Variants in SPSB4 observed in about 807,000 individuals in gnomAD.
The protein encoded by SPSB4 is splA/ryanodine receptor domain and SOCS box containing 4, also known as SPRY domain-containing SOCS box protein 4.
SPSB4 carries 21 observed loss-of-function variants against 20.9 expected under a neutral mutation model. The ratio of observed to expected loss-of-function variants is 1.01; its 90% confidence interval spans 0.71 to 1.45. The LOEUF (loss-of-function observed/expected upper bound fraction) is 1.45. SPSB4 is among the 40% of genes most tolerant of loss of function. SPSB4 has a pLI of 0.00. For synonymous variants in SPSB4, 207 were observed against 183.8 expected (o/e 1.13, Z -1.02); for missense variants, 399 against 399.2 (o/e 1.00, Z 0.00).
intron 2 of SPSB4, among the ~76,000 whole-genome samples, chr3:141,071,587 G>C (rs549694433): frequency 6.6e-6 from 1 of 152,118 alleles, no homozygotes; most frequent in Non-Finnish European, 1.5e-5. Context: ...TTTGCCCAAG[G>C]CCACACAGCT....
At chr3:141,114,568 A>G (rs545086961) in intron 2 of SPSB4, among the ~76,000 whole-genome samples, 1 of 152,344 alleles carries the variant, frequency 6.6e-6, no homozygotes, top group African/African-American at 2.4e-5. Context: ...AACCAGATGC[A>G]TCTAAACCAC....
At position 141,147,329 on chromosome 3, in the gene SPSB4, A is replaced by T; in HGVS notation, c.*60A>T. The T allele has an allele frequency of 6.2e-7, 1 of 1,605,040 alleles. No homozygotes were observed. The highest frequency in any genetic ancestry group is 8.5e-7 in the Non-Finnish European group (1 of 1,174,020). On this transcript the variant is annotated 3_prime_UTR_variant, in exon 3 of 3. Coordinates refer to ENST00000310546, the MANE Select transcript of SPSB4 (RefSeq NM_080862.3). ...CACCGCAGGGCCCGACCCTCCTGTCATTCACAGTCCCATGGCACATAGGGG... is the reference window on the plus strand; with the variant it reads ...CACCGCAGGGCCCGACCCTCCTGTCTTTCACAGTCCCATGGCACATAGGGG...
intron 2 of SPSB4, among the ~76,000 whole-genome samples, chr3:141,101,548 C>T (rs530758834): frequency 3.9e-5 from 6 of 152,164 alleles, no homozygotes; most frequent in Non-Finnish European, 5.9e-5. Context: ...CCTCTGTCTT[C>T]CCATCTGTAA....
chr3:141,064,993 G>C (rs1258253813), intron 1 of SPSB4, among the ~76,000 whole-genome samples: 3 of 152,176 alleles, frequency 2.0e-5, no homozygotes, highest in African/African-American at 7.2e-5. Flanking sequence ...CCAGAGAACA[G>C]AGCCAGAGAG....
chr3:141,075,195 C>T (rs1028241611), intron 2 of SPSB4, among the ~76,000 whole-genome samples: 3 of 151,568 alleles, frequency 2.0e-5, no homozygotes, highest in African/African-American at 7.3e-5. Context: ...TGATTAGGGC[C>T]AGGGGTGATG....
intron 2 of SPSB4, among the ~76,000 whole-genome samples, chr3:141,116,474 G>A (rs1938881568): frequency 6.6e-6 from 1 of 152,246 alleles, no homozygotes. Flanking sequence ...GGTTGGTGAA[G>A]AGGTTTCCTT....
At chr3:141,112,046 A>C (rs1225184318) in intron 2 of SPSB4, among the ~76,000 whole-genome samples, 1 of 152,190 alleles carries the variant, frequency 6.6e-6, no homozygotes, top group African/African-American at 2.4e-5. Context: ...TTCTCCTCCC[A>C]GCTGGAGAAC....
At chr3:141,118,949 C>A (rs565040962) in intron 2 of SPSB4, among the ~76,000 whole-genome samples, 1 of 152,232 alleles carries the variant, frequency 6.6e-6, no homozygotes, top group Admixed American at 6.5e-5. Context: ...GTTCTTTTTG[C>A]TTAGGATTGT....
intron 2 of SPSB4, among the ~76,000 whole-genome samples, chr3:141,103,073 G>A (rs2107795789): frequency 6.6e-6 from 1 of 152,332 alleles, no homozygotes; most frequent in Non-Finnish European, 1.5e-5. Flanking sequence ...GCTGTTTGAT[G>A]TCTCTGTTTT....
At chr3:141,096,526 A>G (rs1253957387) in intron 2 of SPSB4, among the ~76,000 whole-genome samples, 5 of 152,222 alleles carry the variant, frequency 3.3e-5, no homozygotes, top group African/African-American at 1.2e-4. Flanking sequence ...CTTTACAGGA[A>G]TCCCTAATGG....
At position 141,066,182 on chromosome 3, in the gene SPSB4, G is replaced by T; in HGVS notation, c.78G>T (p.Leu26=). The change falls in exon 2 of 3, where the codon CTG becomes CTT. Residue 26 remains leucine (L), a synonymous_variant. Coordinates refer to ENST00000310546, the MANE Select transcript of SPSB4 (RefSeq NM_080862.3). The stretch of plus-strand genomic sequence containing the variant: ...CGCTGCGGCCGGCCAAGCGGGAGCT[G>T]CGGGGTGCAGAGCCCGGGCGGCCGG... ...EPALRPAKRE[L]RGAEPGRPAR... The T allele has an allele frequency of 3.3e-6, 5 of 1,533,478 alleles. No individual in the cohort carries two copies. The highest frequency in any genetic ancestry group is 4.4e-6 in the Non-Finnish European group (5 of 1,141,978). The allele number at this position is 1,533,478 out of a possible 1,614,324, so 95.0% of individuals were successfully genotyped here.
rs182538749 is a variant in SPSB4 at position 141,100,396 on chromosome 3, G to A, written c.694+33598G>A. The stretch of plus-strand genomic sequence containing the variant: ...ACATAGACATGCACACAAGAAGAAC[G>A]CCCTGTGAGCATGAATGCAGAGACC... On this transcript the variant is annotated intron_variant, in intron 2 of 2. Transcript: ENST00000310546. Among the ~76,000 whole-genome samples, 564 of 152,246 alleles carry A rather than the reference G, an allele frequency of 3.7e-3. 2 individuals are homozygous for A. Among genetic ancestry groups the A allele is most frequent in the African/African-American group, 0.013 (543 of 41,534 alleles).
At chr3:141,057,463 T>C (rs578088567) in intron 1 of SPSB4, among the ~76,000 whole-genome samples, 1 of 152,316 alleles carries the variant, frequency 6.6e-6, no homozygotes, top group East Asian at 1.9e-4. Context: ...AAGTGTTGGT[T>C]CTTTCTAAGG....
chr3:141,079,719 G>C (rs540278017), intron 2 of SPSB4, among the ~76,000 whole-genome samples: 1 of 152,348 alleles, frequency 6.6e-6, no homozygotes, highest in East Asian at 1.9e-4. Context: ...ATTCATAAAT[G>C]CTTATGAAAA....
intron 2 of SPSB4, among the ~76,000 whole-genome samples, chr3:141,078,472 G>A (rs954974507): frequency 9.2e-5 from 14 of 152,284 alleles, no homozygotes; most frequent in Non-Finnish European, 1.3e-4. Context: ...CCCAGGAACC[G>A]GTTGGGGAGC....
At chr3:141,115,922 G>C (rs1938873013) in intron 2 of SPSB4, among the ~76,000 whole-genome samples, 1 of 152,140 alleles carries the variant, frequency 6.6e-6, no homozygotes, top group African/African-American at 2.4e-5. Context: ...TTACTCATCA[G>C]TTTTACTTAA....
chr3:141,085,298 A>C (rs912098388), intron 2 of SPSB4, among the ~76,000 whole-genome samples: 4 of 152,172 alleles, frequency 2.6e-5, no homozygotes, highest in African/African-American at 9.7e-5. Context: ...GCCTAATACT[A>C]TGGGCTTAAA....
At chr3:141,058,966 T>A (rs1937709892) in intron 1 of SPSB4, among the ~76,000 whole-genome samples, 1 of 152,148 alleles carries the variant, frequency 6.6e-6, no homozygotes, top group Admixed American at 6.5e-5. Context: ...CTCTCCACAG[T>A]CCATATGTGT....
intron 2 of SPSB4, among the ~76,000 whole-genome samples, chr3:141,080,079 C>G (rs2107786136): frequency 6.6e-6 from 1 of 152,348 alleles, no homozygotes; most frequent in South Asian, 2.1e-4. Context: ...CTCTTTTCCA[C>G]TGGGACAGGT....
Sources: allele counts gnomAD v4.1 joint callset (sites outside exome capture counted in the v4.1 genomes callset), GRCh38; gene constraint gnomAD v4.1.1; transcripts MANE v1.5; gene names NCBI Gene and HGNC (gene_info 2026-07-23, HGNC 2026-07-21).